Variants in PDCD6 observed in about 807,000 individuals in gnomAD.
The protein encoded by PDCD6 is programmed cell death protein 6.
In PDCD6, 12 loss-of-function variants were observed where a neutral mutation model predicts 28.3. The ratio of observed to expected loss-of-function variants is 0.42; its 90% CI spans 0.27 to 0.69. The LOEUF is 0.69. Ranked by LOEUF, PDCD6 falls within the 30% of genes least tolerant of loss-of-function variation. The probability of loss-of-function intolerance (pLI) is 0.22; values close to 1 mark genes in which losing one functional copy is unlikely to be tolerated. For synonymous variants in PDCD6, 92 were observed against 108.0 expected, an observed-to-expected ratio of 0.85 and a Z score of 0.92; for missense variants, 226 against 269.9, an observed-to-expected ratio of 0.84 and a Z score of 1.14.
chr5:271,697 C>G lies in PDCD6; in HGVS notation c.-24C>G, dbSNP rs572240960. 1.5e-5 allele frequency: 21 copies of G among 1,436,946 alleles called. No homozygotes were observed. The highest frequency in any genetic ancestry group is 2.9e-5 in the African/African-American group (2 of 69,920). The allele number at this position is 1,436,946 out of a possible 1,614,324, so 89.0% of individuals were successfully genotyped here. On this transcript the variant is annotated 5_prime_UTR_variant, in exon 1 of 6. Transcript: ENST00000264933. The stretch of plus-strand genomic sequence containing the variant: ...AGGTCTCTCGTCGCTGCAGGCGCCT[C>G]AGCCCAGCCGCGTGCCTTGGCCCAT...
At position 314,610 on chromosome 5, in the gene PDCD6, C is replaced by T. The variant is rs1017619892; in HGVS notation, c.*95C>T. 3 of 872,104 alleles carry T rather than the reference C, an allele frequency of 3.4e-6. No homozygotes were observed. The highest frequency in any genetic ancestry group is 2.7e-5 in the South Asian group (2 of 73,208). 54.0% of individuals were successfully genotyped at this position (872,104 alleles called of 1,614,324 possible). ...AATGGAGCACAGGTGCAGTTAGATG[C>T]TGTTCTTCCTTTAGATTTTGTCACG... is the stretch of plus-strand genomic sequence containing the variant. On this transcript the variant is annotated 3_prime_UTR_variant, in exon 6 of 6. Transcript: ENST00000264933.
chr5:311,467 C>A, intron 5 of PDCD6, 65 bp downstream of exon 5: 1 of 1,036,106 alleles, frequency 9.7e-7, no homozygotes, highest in Non-Finnish European at 1.5e-6. Flanking sequence ...CAGCGTGATG[C>A]ACCTGACCTT....
At chr5:271,924 G>A in intron 1 of PDCD6, 103 bp downstream of exon 1, 1 of 539,136 alleles carries the variant, frequency 1.9e-6, no homozygotes, top group Non-Finnish European at 3.0e-6. Context: ...GTTCTACTGC[G>A]GCCTCCTCCG....
At position 307,515 on chromosome 5, in the gene PDCD6, G is replaced by A. The variant is rs1054756971; in HGVS notation, c.367+755G>A. Among the ~76,000 whole-genome samples, 1 of 152,196 alleles carries A rather than the reference G, an allele frequency of 6.6e-6. No homozygotes were observed. The highest frequency in any genetic ancestry group is 1.5e-5 in the Non-Finnish European group (1 of 68,038). ...TGTTCACAGTGCCTGTCCAGAGTGC[G>A]TCCATAGGGCCTGTCCACGGGGCTT... On this transcript the variant is annotated intron_variant, in intron 4 of 5. Transcript: ENST00000264933. This position sits in a 1 kb window ranked among gnomAD's most constrained non-coding sequence, Gnocchi z 6.1.
At chr5:272,927 A>G (rs1461913282) in intron 2 of PDCD6, 155 bp downstream of exon 2, 6 of 1,341,218 alleles carry the variant, frequency 4.5e-6, no homozygotes, top group Non-Finnish European at 6.1e-6. Context: ...CTTCTGGTTT[A>G]TTTTGTGGCT....
intron 3 of PDCD6, 119 bp from the exon 4 acceptor site, chr5:306,483 C>G: frequency 1.2e-6 from 1 of 863,818 alleles, no homozygotes; most frequent in Non-Finnish European, 1.9e-6. Context: ...TGCCCAGTCC[C>G]TGGTTAGTGG....
At position 271,717 on chromosome 5, in the gene PDCD6, GC is replaced by G. The variant is rs2126669279; in HGVS notation, c.-1del. 1 of 1,527,580 alleles carries G rather than the reference GC, an allele frequency of 6.5e-7. No homozygotes were observed. The allele number at this position is 1,527,580 out of a possible 1,614,324, so 94.6% of individuals were successfully genotyped here. On this transcript the variant is annotated 5_prime_UTR_variant, in exon 1 of 6. Transcript: ENST00000264933. The stretch of plus-strand genomic sequence containing the variant: ...CGCCTCAGCCCAGCCGCGTGCCTTG[GC>G]CCATGGCCGCCTACTCTTACCGCCC...
chr5:294,626 A>G (rs1192750062), intron 2 of PDCD6, among the ~76,000 whole-genome samples: 8 of 152,274 alleles, frequency 5.3e-5, no homozygotes, highest in South Asian at 2.1e-4. Context: ...CATGCTGGAA[A>G]GTGGTCCGGG....
intron 2 of PDCD6, among the ~76,000 whole-genome samples, chr5:284,874 C>T (rs1206272994): frequency 1.4e-5 from 2 of 143,338 alleles, no homozygotes; most frequent in African/African-American, 5.1e-5. Flanking sequence ...GGAGACCCCG[C>T]GGGAAGCTGA....
At chr5:299,697 ACGC>A (rs1372622087) in intron 2 of PDCD6, among the ~76,000 whole-genome samples, 2 of 151,918 alleles carry the variant, frequency 1.3e-5, no homozygotes, top group Non-Finnish European at 2.9e-5. Flanking sequence ...CTACAGGCAC[ACGC>A]CGCCATGCCT....
At chr5:295,686 T>C (rs1739568111) in intron 2 of PDCD6, among the ~76,000 whole-genome samples, 1 of 146,630 alleles carries the variant, frequency 6.8e-6, no homozygotes, top group African/African-American at 2.5e-5. Flanking sequence ...GGGTGGTCCC[T>C]GGTGGTCATG....
At chr5:288,598 C>T (rs770959372) in intron 2 of PDCD6, among the ~76,000 whole-genome samples, 2 of 138,854 alleles carry the variant, frequency 1.4e-5, no homozygotes, top group Non-Finnish European at 3.0e-5. Context: ...CTGATTTGCC[C>T]AGACCAAAAG....
chr5:271,679 T>C lies in PDCD6; in HGVS notation c.-42T>C. ...AAGCGGAGTCGGCCTGAGAGGTCTC[T>C]CGTCGCTGCAGGCGCCTCAGCCCAG... On this transcript the variant is annotated 5_prime_UTR_variant, in exon 1 of 6. Transcript: ENST00000264933. The C allele has an allele frequency of 2.5e-6, 3 of 1,206,572 alleles. No homozygotes were observed. Among genetic ancestry groups the C allele is most frequent in the African/African-American group, 1.5e-5 (1 of 65,244 alleles). The allele number at this position is 1,206,572 out of a possible 1,614,324, so 74.7% of individuals were successfully genotyped here.
chr5:307,113 A>T lies in PDCD6; in HGVS notation c.367+353A>T, dbSNP rs1374686236. Among the ~76,000 whole-genome samples the T allele has an allele frequency of 6.6e-6, 1 of 152,214 alleles. No individual in the cohort carries two copies. The highest frequency in any genetic ancestry group is 2.4e-5 in the African/African-American group (1 of 41,458). On this transcript the variant is annotated intron_variant, in intron 4 of 5. Coordinates refer to ENST00000264933, the MANE Select transcript of PDCD6 (RefSeq NM_013232.4). The surrounding 1 kb of genome is among the most constrained non-coding windows in gnomAD (Gnocchi z 6.1). ...GCAGCTTATATTTCATGATAGATCA[A>T]AGCACGTTGAAAAGGCAACAGTCAC...
At chr5:275,238 C>T (rs557461771) in intron 2 of PDCD6, among the ~76,000 whole-genome samples, 11 of 152,336 alleles carry the variant, frequency 7.2e-5, no homozygotes, top group East Asian at 3.9e-4. Flanking sequence ...CTGGGCGACA[C>T]TGTGAGACCC....
intron 2 of PDCD6, among the ~76,000 whole-genome samples, chr5:296,799 T>A (rs555938843): frequency 4.7e-4 from 71 of 152,218 alleles, no homozygotes; most frequent in African/African-American, 1.6e-3. Flanking sequence ...GAGGCCCCTC[T>A]TTGCTTCTGA....
At chr5:298,927 C>A in intron 2 of PDCD6, among the ~76,000 whole-genome samples, 1 of 44,402 alleles carries the variant, frequency 2.3e-5, no homozygotes, top group Non-Finnish European at 4.8e-5. Context: ...CCAGCTGCTC[C>A]CCCTCAGCTA....
At chr5:306,179 C>T (rs1740467048) in intron 3 of PDCD6, 1 of 206,190 alleles carries the variant, frequency 4.8e-6, no homozygotes, top group Admixed American at 5.0e-5. Context: ...GTCAGAGGGT[C>T]AGCTCTGGGA....
chr5:289,636 T>G (rs2126718047), intron 2 of PDCD6: 1 of 1,122,256 alleles, frequency 8.9e-7, no homozygotes, highest in African/African-American at 1.5e-5. Context: ...TGGATGTTTA[T>G]TTTTCAAAGG....
Sources: allele counts gnomAD v4.1 joint callset (sites outside exome capture counted in the v4.1 genomes callset), GRCh38; gene constraint gnomAD v4.1.1; non-coding constraint Gnocchi (gnomAD v3.1); transcripts MANE v1.5; gene names NCBI Gene and HGNC (gene_info 2026-07-23, HGNC 2026-07-21).